UBAP1: variants seen among roughly 807,000 people sequenced by gnomAD.
UBAP1 encodes ubiquitin-associated protein 1.
UBAP1 carries 5 observed loss-of-function variants against 39.0 expected under a neutral mutation model. The observed-to-expected ratio is 0.13, with a 90% confidence interval of 0.07 to 0.27. The LOEUF (loss-of-function observed/expected upper bound fraction) is 0.27. Among genes scored for constraint, UBAP1 ranks in the 10% least tolerant of loss-of-function variants. The pLI is 1.00. For synonymous variants in UBAP1, 211 were observed against 225.1 expected (o/e 0.94, Z 0.56); for missense variants, 490 against 608.1 (o/e 0.81, Z 2.04).
At chr9:34,224,595 G>A (rs921328080) in intron 2 of UBAP1, 13 of 410,412 alleles carry the variant, frequency 3.2e-5, no homozygotes, top group South Asian at 2.6e-4. Flanking sequence ...CCGGTCTTGC[G>A]GTGCTTGTGT....
intron 1 of UBAP1, among the ~76,000 whole-genome samples, chr9:34,209,205 T>G (rs1287561756): frequency 1.3e-5 from 2 of 152,118 alleles, no homozygotes; most frequent in Non-Finnish European, 2.9e-5. Context: ...CCTCCCAAAG[T>G]GCTGGGATTA....
chr9:34,196,500 A>G (rs935205073), intron 1 of UBAP1, among the ~76,000 whole-genome samples: 3 of 151,802 alleles, frequency 2.0e-5, no homozygotes, highest in African/African-American at 7.3e-5. Flanking sequence ...TATTTTTAGT[A>G]GAGATGGGGT....
intron 3 of UBAP1, among the ~76,000 whole-genome samples, chr9:34,237,443 A>G (rs1477456879): frequency 1.6e-4 from 25 of 152,190 alleles, no homozygotes; most frequent in Admixed American, 1.6e-3. Context: ...TACTTTTTTT[A>G]TCTTCCAAAG....
chr9:34,244,225 T>C (rs889310648), intron 4 of UBAP1, among the ~76,000 whole-genome samples: 1 of 152,104 alleles, frequency 6.6e-6, no homozygotes, highest in Non-Finnish European at 1.5e-5. Flanking sequence ...TAACCATCCT[T>C]CTAGTGTCTA....
intron 1 of UBAP1, among the ~76,000 whole-genome samples, chr9:34,210,980 G>A (rs1247983521): frequency 2.6e-5 from 4 of 151,890 alleles, no homozygotes; most frequent in Non-Finnish European, 4.4e-5. Flanking sequence ...TGTGGTATAG[G>A]GGAATGGTTT....
intron 3 of UBAP1, among the ~76,000 whole-genome samples, chr9:34,236,766 A>G (rs1366208180): frequency 1.3e-5 from 2 of 151,696 alleles, no homozygotes; most frequent in East Asian, 1.9e-4. Flanking sequence ...TATTTTTTAC[A>G]TAGTTTCTAG....
rs1167324406 is a variant in UBAP1, at chr9:34,252,387, C to G, written c.*855C>G. On this transcript the variant is annotated 3_prime_UTR_variant, in exon 7 of 7. Transcript: ENST00000297661. ...AACACCTAGTCATAGAAATCAGTCT[C>G]TCTGGTTTGTTTTGTATTATGTTGT... 6.6e-6 allele frequency: 1 copy of G among 152,620 alleles called. No homozygotes were observed. The highest frequency in any genetic ancestry group is 2.4e-5 in the African/African-American group (1 of 41,424). 9.5% of individuals were successfully genotyped at this position (152,620 alleles called of 1,614,324 possible). A position where few individuals can be genotyped will look rare whatever the true frequency, so the allele number is the denominator to read the frequency against.
At chr9:34,191,735 C>G (rs1056352942) in intron 1 of UBAP1, 1 of 156,022 alleles carries the variant, frequency 6.4e-6, no homozygotes, top group Non-Finnish European at 1.5e-5. Flanking sequence ...ACAGTGACTC[C>G]TGGTGGCAAA....
chr9:34,248,877 C>A (rs963126071), intron 4 of UBAP1, among the ~76,000 whole-genome samples: 1 of 152,216 alleles, frequency 6.6e-6, no homozygotes, highest in African/African-American at 2.4e-5. Flanking sequence ...GTTCTTGGGA[C>A]CTGCGCCAAG....
intron 1 of UBAP1, among the ~76,000 whole-genome samples, chr9:34,180,955 C>CA (rs1829983461): frequency 6.6e-6 from 1 of 151,486 alleles, no homozygotes; most frequent in Non-Finnish European, 1.5e-5. Context: ...AGATTATAGA[C>CA]ACCCACCACT....
At chr9:34,201,795 T>TA (rs1453685318) in intron 1 of UBAP1, among the ~76,000 whole-genome samples, 9 of 152,112 alleles carry the variant, frequency 5.9e-5, no homozygotes, top group Non-Finnish European at 1.2e-4. Flanking sequence ...TCTCCAAGAT[T>TA]GCCCCCTAGC....
In UBAP1 at chr9:34,241,663, A is replaced by G. The variant is rs1327888890; in HGVS notation, c.638A>G (p.Glu213Gly). The change falls in exon 4 of 7, where the codon GAG (glutamate) becomes GGG (glycine). Residue 213 changes from glutamate (E) to glycine (G), a missense_variant. Around this residue, in one of 3 missense-constraint regions of UBAP1, gnomAD observed 339 missense variants for 390.0 expected, o/e 0.87. Coordinates refer to ENST00000297661, the MANE Select transcript of UBAP1 (RefSeq NM_016525.5). The stretch of plus-strand genomic sequence containing the variant: ...TCTGGGTCTGTGTTACAGGATGAGG[A>G]GGTCCTGGCATCCTTGGAACGGGCA... ...GGSGSVLQDE[E>G]VLASLERATL... The G allele has an allele frequency of 5.0e-6, 8 of 1,613,922 alleles. No individual in the cohort carries two copies. The South Asian group carries it at 8.8e-5, about 18-fold the overall frequency.
chr9:34,206,462 A>G (rs974317790), intron 1 of UBAP1, among the ~76,000 whole-genome samples: 1 of 152,066 alleles, frequency 6.6e-6, no homozygotes, highest in African/African-American at 2.4e-5. Context: ...GTGAGTCAAG[A>G]TTGTGCCACT....
At chr9:34,214,235 A>C (rs1832176258) in intron 1 of UBAP1, among the ~76,000 whole-genome samples, 1 of 152,220 alleles carries the variant, frequency 6.6e-6, no homozygotes, top group Non-Finnish European at 1.5e-5. Flanking sequence ...CAAAGAGAAC[A>C]AATCTGGAGG....
chr9:34,187,162 C>T (rs1830450381), intron 1 of UBAP1, among the ~76,000 whole-genome samples: 1 of 152,210 alleles, frequency 6.6e-6, no homozygotes, highest in African/African-American at 2.4e-5. Flanking sequence ...CCCGCCTGGG[C>T]CTCCCAAAGT....
chr9:34,181,052 C>T (rs979063508), intron 1 of UBAP1, among the ~76,000 whole-genome samples: 4 of 151,254 alleles, frequency 2.6e-5, no homozygotes, highest in Non-Finnish European at 5.9e-5. Flanking sequence ...TCAAATAATC[C>T]TCCGGCCTTG....
At chr9:34,239,323 C>T (rs1054350974) in intron 3 of UBAP1, among the ~76,000 whole-genome samples, 1 of 152,242 alleles carries the variant, frequency 6.6e-6, no homozygotes, top group South Asian at 2.1e-4. Flanking sequence ...CCAAGCCTGT[C>T]TGGCCTACAA....
chr9:34,225,779 TAA>T (rs761018796), intron 2 of UBAP1, among the ~76,000 whole-genome samples: 31 of 124,382 alleles, frequency 2.5e-4, no homozygotes, highest in South Asian at 2.6e-4. Context: ...GACGCCATCT[TAA>T]AAAAAAAAAA....
intron 1 of UBAP1, among the ~76,000 whole-genome samples, 195 bp downstream of exon 1, chr9:34,179,435 C>T (rs1008572059): frequency 9.9e-5 from 15 of 151,636 alleles, no homozygotes; most frequent in Admixed American, 9.2e-4. Flanking sequence ...GTGAGGGGAC[C>T]GGAGTTGAAG....
Sources: gnomAD v4.1 joint callset for allele counts (sites outside exome capture counted in the v4.1 genomes callset) on GRCh38, gnomAD v4.1.1 for gene constraint, gnomAD v4.1.1 regional missense constraint, MANE v1.5 for transcripts, NCBI Gene and HGNC (gene_info 2026-07-23, HGNC 2026-07-21) for gene names.